ARRB1: variants seen among roughly 807,000 people sequenced by gnomAD.
The protein encoded by ARRB1 is beta-arrestin-1.
In ARRB1, 21 loss-of-function variants were observed where a neutral mutation model predicts 56.8. That is an observed-to-expected ratio of 0.37 (90% CI 0.26 to 0.53). The LOEUF (loss-of-function observed/expected upper bound fraction) is 0.53. Among genes scored for constraint, ARRB1 ranks in the 20% least tolerant of loss-of-function variants. ARRB1 has a pLI of 0.88. For synonymous variants in ARRB1, 210 were observed against 218.6 expected (o/e 0.96, Z 0.35); for missense variants, 424 against 553.7 (o/e 0.77, Z 2.35).
intron 1 of ARRB1, among the ~76,000 whole-genome samples, chr11:75,298,206 C>G (rs950792718): frequency 1.7e-4 from 25 of 147,490 alleles, no homozygotes; most frequent in Non-Finnish European, 3.0e-4. Context: ...CAAACCTGCA[C>G]GTTGTGCACA....
At chr11:75,343,428 G>C (rs1441058863) in intron 1 of ARRB1, among the ~76,000 whole-genome samples, 2 of 152,176 alleles carry the variant, frequency 1.3e-5, no homozygotes, top group Admixed American at 1.3e-4. Flanking sequence ...CCTTCCCTGG[G>C]GGAGCTCACA....
intron 1 of ARRB1, among the ~76,000 whole-genome samples, chr11:75,307,338 GAC>G (rs1947055423): frequency 6.6e-6 from 1 of 152,198 alleles, no homozygotes; most frequent in South Asian, 2.1e-4. Flanking sequence ...CCTTCCTGAG[GAC>G]AGAGGTCAGG....
At chr11:75,278,889 T>G in intron 7 of ARRB1, 145 bp from the exon 8 acceptor site, 1 of 1,181,310 alleles carries the variant, frequency 8.5e-7, no homozygotes, top group Non-Finnish European at 1.2e-6. Flanking sequence ...GAGATCAGCA[T>G]AGGGGTCTGT....
chr11:75,270,453 T>C (rs1260958269), intron 13 of ARRB1, among the ~76,000 whole-genome samples: 1 of 152,056 alleles, frequency 6.6e-6, no homozygotes, highest in African/African-American at 2.4e-5. Context: ...GATAGTGAAA[T>C]CCTGCCTCTA....
At chr11:75,272,825 C>A in intron 12 of ARRB1, 70 bp downstream of exon 12, 1 of 1,497,652 alleles carries the variant, frequency 6.7e-7, no homozygotes, top group Non-Finnish European at 9.3e-7. Flanking sequence ...CAGAATGGGG[C>A]AGGGGCCTGT....
At chr11:75,302,588 C>A (rs954977109) in intron 1 of ARRB1, among the ~76,000 whole-genome samples, 5 of 152,202 alleles carry the variant, frequency 3.3e-5, no homozygotes, top group Non-Finnish European at 5.9e-5. Flanking sequence ...GAGGCTGAAG[C>A]AGACAGTCCC....
At chr11:75,267,612 C>T (rs1412076152) in intron 15 of ARRB1, 40 bp downstream of exon 15, 3 of 1,353,044 alleles carry the variant, frequency 2.2e-6, no homozygotes, top group African/African-American at 1.4e-5. Flanking sequence ...CGCCCACCCG[C>T]GGCCCACCCC....
intron 1 of ARRB1, among the ~76,000 whole-genome samples, chr11:75,330,907 T>C (rs1291408738): frequency 2.0e-5 from 3 of 152,194 alleles, no homozygotes; most frequent in African/African-American, 7.2e-5. Flanking sequence ...AAGACAGCCA[T>C]TCATTCAACA....
Position 75,278,640 on chromosome 11 carries a change from G to T in ARRB1, c.587C>A (p.Pro196His). ...TTRQFLMSDK[P>H]LHLEASLDKE... Reference sequence around the variant, plus strand: ...ATCCAGAGAGGCTTCTAGGTGCAAGGGCTTGTCCGACATGAGGAACTGCCT... The same window carrying T: ...ATCCAGAGAGGCTTCTAGGTGCAAGTGCTTGTCCGACATGAGGAACTGCCT... The change falls in exon 8 of 16, where the codon CCC becomes CAC. Residue 196 changes from proline to histidine, a missense_variant. By Grantham distance (77) the Pro-to-His change is moderately conservative. Around this residue, in one of 3 missense-constraint regions of ARRB1, gnomAD observed 301 missense variants for 387.9 expected, o/e 0.78. Transcript: ENST00000420843. 6.2e-7 allele frequency: 1 copy of T among 1,614,158 alleles called. No homozygotes were observed. The highest frequency in any genetic ancestry group is 1.6e-4 in the Middle Eastern group (1 of 6,062).
At chr11:75,298,518 C>T (rs1373293894) in intron 1 of ARRB1, among the ~76,000 whole-genome samples, 2 of 152,116 alleles carry the variant, frequency 1.3e-5, no homozygotes, top group Non-Finnish European at 2.9e-5. Flanking sequence ...GATGGCTATA[C>T]TCAAAAGGAA....
chr11:75,312,353 G>A (rs182169783), intron 1 of ARRB1, among the ~76,000 whole-genome samples: 5 of 152,334 alleles, frequency 3.3e-5, no homozygotes, highest in Admixed American at 2.0e-4. Context: ...TGTGTGTACT[G>A]CACGCTGGAA....
chr11:75,342,508 C>T (rs1022481049), intron 1 of ARRB1, among the ~76,000 whole-genome samples: 1 of 152,162 alleles, frequency 6.6e-6, no homozygotes. Context: ...GGAGGCTGTC[C>T]AGCTGAATAA....
chr11:75,306,732 T>G (rs1947041572), intron 1 of ARRB1: 1 of 1,196,070 alleles, frequency 8.4e-7, no homozygotes, highest in Admixed American at 3.4e-5. Context: ...AGGGGTTAGT[T>G]ACAAAGAAAA....
intron 1 of ARRB1, among the ~76,000 whole-genome samples, chr11:75,347,370 C>T (rs1947786552): frequency 6.6e-6 from 1 of 152,204 alleles, no homozygotes; most frequent in Admixed American, 6.5e-5. Flanking sequence ...CCAAAGTTCA[C>T]AGAGAGCTGG....
At chr11:75,281,662 G>T in intron 6 of ARRB1, 1 of 405,620 alleles carries the variant, frequency 2.5e-6, no homozygotes, top group East Asian at 4.3e-5. Flanking sequence ...ATTCCAGGTT[G>T]CCAGGGGTTA....
chr11:75,268,926 C>A lies in ARRB1; in HGVS notation c.1056G>T (p.Met352Ile). 1 of 1,611,518 alleles carries A rather than the reference C, an allele frequency of 6.2e-7. No individual in the cohort carries two copies. Among genetic ancestry groups the A allele is most frequent in the Non-Finnish European group, 8.5e-7 (1 of 1,179,318 alleles). Residue 352 changes from methionine to isoleucine, a missense_variant, in exon 14 of 16, where the codon ATG (methionine) becomes ATT (isoleucine). Physicochemically the swap from Met to Ile is conservative, Grantham distance 10. Coordinates refer to ENST00000420843, the MANE Select transcript of ARRB1 (RefSeq NM_004041.5). ...GGGGTTCCTCTTTGGGCTTGGGGTG[C>A]ATTAGGGTGAAGGGCAGTTCCACGG... ...DVAVELPFTLMHPKPKEEPPH... is the reference protein window; with the variant it reads ...DVAVELPFTLIHPKPKEEPPH...
intron 1 of ARRB1, among the ~76,000 whole-genome samples, chr11:75,300,550 G>T (rs1357906372): frequency 3.3e-5 from 5 of 152,158 alleles, no homozygotes. Context: ...AAGCCTTCAG[G>T]GCTGGCCGCT....
At chr11:75,314,668 A>G (rs1947231844) in intron 1 of ARRB1, among the ~76,000 whole-genome samples, 1 of 151,804 alleles carries the variant, frequency 6.6e-6, no homozygotes, top group Non-Finnish European at 1.5e-5. Flanking sequence ...TGGCACCATC[A>G]CAGCTCACTG....
At chr11:75,348,144 C>T (rs571175303) in intron 1 of ARRB1, among the ~76,000 whole-genome samples, 79 of 152,320 alleles carry the variant, frequency 5.2e-4, no homozygotes, top group Admixed American at 7.2e-4. Context: ...GGTGACCGGT[C>T]TGTGTTTACC....
Sources: gnomAD v4.1 joint callset for allele counts (sites outside exome capture counted in the v4.1 genomes callset) on GRCh38, gnomAD v4.1.1 for gene constraint, gnomAD v4.1.1 regional missense constraint, MANE v1.5 for transcripts, NCBI Gene and HGNC (gene_info 2026-07-23, HGNC 2026-07-21) for gene names.